RIT2: variants seen among roughly 807,000 people sequenced by gnomAD.
RIT2 encodes the protein GTP-binding protein Rit2.
Under a neutral mutation model 23.7 loss-of-function variants are expected in RIT2, and 24 were observed. That is an observed-to-expected ratio of 1.01 (90% confidence interval 0.73 to 1.43). RIT2 has a LOEUF of 1.43. RIT2 is among the 40% of genes most tolerant of loss of function. The pLI is 0.00. For synonymous variants in RIT2, 107 were observed against 91.1 expected (o/e 1.17, Z -0.99); for missense variants, 236 against 266.9 (o/e 0.88, Z 0.81).
intron 2 of RIT2, among the ~76,000 whole-genome samples, chr18:43,001,448 G>A (rs1324722622): frequency 2.0e-5 from 3 of 151,894 alleles, no homozygotes; most frequent in South Asian, 2.1e-4. Flanking sequence ...AAGATAAGAC[G>A]GGTTTTATTG....
chr18:43,004,818 T>C (rs1215403479), intron 2 of RIT2, among the ~76,000 whole-genome samples: 1 of 151,900 alleles, frequency 6.6e-6, no homozygotes, highest in Non-Finnish European at 1.5e-5. Flanking sequence ...TAATTATTTA[T>C]GTTGGCTATT....
intron 4 of RIT2, among the ~76,000 whole-genome samples, chr18:42,842,925 G>T (rs1237327150): frequency 6.6e-6 from 1 of 152,124 alleles, no homozygotes; most frequent in Non-Finnish European, 1.5e-5. Flanking sequence ...AGAATAGAGA[G>T]CTGAGGCCCA....
intron 4 of RIT2, among the ~76,000 whole-genome samples, chr18:42,856,827 CTTTTTTT>C (rs756725926): frequency 8.7e-6 from 1 of 114,616 alleles, no homozygotes; most frequent in East Asian, 2.8e-4. Flanking sequence ...CTCTCTCTCT[CTTTTTTT>C]TTTTTTTTTT....
rs184693657 is a variant in RIT2 at position 42,901,926 on chromosome 18, T to G, written c.426+21646A>C. 2.7e-3 allele frequency among the ~76,000 whole-genome samples: 417 copies of G among 152,052 alleles called. 2 individuals are homozygous for G. The highest frequency in any genetic ancestry group is 4.6e-3 in the Non-Finnish European group (313 of 67,860). On this transcript the variant is annotated intron_variant, in intron 4 of 4. Transcript: ENST00000326695. ...CTGAAACCAGATTTTTTTCATATAC[T>G]TTAACCAAAACATGTTTATTGCAGA...
At chr18:42,841,028 C>A (rs1906753444) in intron 4 of RIT2, among the ~76,000 whole-genome samples, 1 of 152,076 alleles carries the variant, frequency 6.6e-6, no homozygotes, top group South Asian at 2.1e-4. Flanking sequence ...TGAATGCTAA[C>A]CTATAAGCTA....
intron 4 of RIT2, among the ~76,000 whole-genome samples, chr18:42,878,734 A>T (rs916014290): frequency 2.6e-5 from 4 of 151,992 alleles, no homozygotes; most frequent in Admixed American, 2.0e-4. Context: ...ATGTCACTAC[A>T]AACCATACTT....
intron 4 of RIT2, among the ~76,000 whole-genome samples, chr18:42,877,554 A>G (rs1396043212): frequency 6.6e-6 from 1 of 150,404 alleles, no homozygotes; most frequent in Non-Finnish European, 1.5e-5. Flanking sequence ...ATATACACAC[A>G]TAGATACATA....
chr18:42,770,281 A>G (rs1913521069), intron 4 of RIT2, among the ~76,000 whole-genome samples: 1 of 152,226 alleles, frequency 6.6e-6, no homozygotes, highest in African/African-American at 2.4e-5. Context: ...CACCATCCAG[A>G]GCCAGCAGAA....
intron 1 of RIT2, among the ~76,000 whole-genome samples, chr18:43,066,873 G>A (rs1912782616): frequency 6.6e-6 from 1 of 151,288 alleles, no homozygotes; most frequent in East Asian, 1.9e-4. Flanking sequence ...GTGAACAGTT[G>A]GAAGCAGGGT....
intron 4 of RIT2, among the ~76,000 whole-genome samples, chr18:42,783,496 A>G (rs1481322658): frequency 6.6e-6 from 1 of 152,134 alleles, no homozygotes; most frequent in Non-Finnish European, 1.5e-5. Flanking sequence ...GTGGTTTTCA[A>G]CTGAAATAAC....
intron 4 of RIT2, among the ~76,000 whole-genome samples, chr18:42,794,234 A>G (rs974037410): frequency 2.0e-5 from 3 of 152,164 alleles, no homozygotes; most frequent in African/African-American, 7.2e-5. Context: ...AAGCAGTCAG[A>G]ACTTCCCCAG....
At chr18:43,021,822 T>C (rs879619530) in intron 2 of RIT2, among the ~76,000 whole-genome samples, 8 of 152,100 alleles carry the variant, frequency 5.3e-5, no homozygotes, top group Admixed American at 5.2e-4. Flanking sequence ...CTTTATAAAT[T>C]ACCCAGTCTC....
intron 4 of RIT2, among the ~76,000 whole-genome samples, chr18:42,815,095 A>C (rs1905957892): frequency 6.6e-6 from 1 of 152,194 alleles, no homozygotes; most frequent in South Asian, 2.1e-4. Flanking sequence ...CAACTCTAGT[A>C]ATATGGCAAA....
intron 4 of RIT2, among the ~76,000 whole-genome samples, chr18:42,745,275 C>T (rs774239909): frequency 3.3e-5 from 5 of 152,056 alleles, no homozygotes; most frequent in Non-Finnish European, 5.9e-5. Flanking sequence ...GGATACCTGG[C>T]ATAACTAAGA....
chr18:42,887,269 G>T (rs1179264131), intron 4 of RIT2, among the ~76,000 whole-genome samples: 1 of 152,110 alleles, frequency 6.6e-6, no homozygotes, highest in Non-Finnish European at 1.5e-5. Flanking sequence ...TATCAAGAGA[G>T]AAAGGAGTAG....
intron 4 of RIT2, among the ~76,000 whole-genome samples, chr18:42,747,686 A>C (rs1416225925): frequency 6.6e-6 from 1 of 152,116 alleles, no homozygotes; most frequent in Non-Finnish European, 1.5e-5. Context: ...ACTGGTATAT[A>C]GGCATATAGA....
chr18:42,830,012 A>G (rs1019553458), intron 4 of RIT2, among the ~76,000 whole-genome samples: 1 of 152,186 alleles, frequency 6.6e-6, no homozygotes, highest in Non-Finnish European at 1.5e-5. Flanking sequence ...AATGAGATAC[A>G]TAGATGAGGA....
intron 4 of RIT2, among the ~76,000 whole-genome samples, chr18:42,861,280 T>C (rs969849092): frequency 6.6e-6 from 1 of 152,346 alleles, no homozygotes; most frequent in Non-Finnish European, 1.5e-5. Flanking sequence ...ACTAACCTGA[T>C]GGCAGTTAGG....
chr18:42,891,985 G>A (rs1908191338), intron 4 of RIT2, among the ~76,000 whole-genome samples: 1 of 152,080 alleles, frequency 6.6e-6, no homozygotes, highest in Non-Finnish European at 1.5e-5. Context: ...CTTTGTATGT[G>A]TGAGGGCAGG....
Sources: allele counts gnomAD v4.1 joint callset (sites outside exome capture counted in the v4.1 genomes callset), GRCh38; gene constraint gnomAD v4.1.1; transcripts MANE v1.5; gene names NCBI Gene and HGNC (gene_info 2026-07-23, HGNC 2026-07-21).